The following ARHGAP15 variants were observed in gnomAD, a reference collection of about 807,000 sequenced individuals.
ARHGAP15 encodes rho GTPase-activating protein 15.
Under a neutral mutation model 63.7 loss-of-function variants are expected in ARHGAP15, and 51 were observed. The observed-to-expected ratio is 0.80, with a 90% CI of 0.64 to 1.01. The LOEUF is 1.01. Among genes scored for constraint, ARHGAP15 ranks in the 50% least tolerant of loss-of-function variants. ARHGAP15 has a pLI of 0.00. For missense variants in ARHGAP15, 560 were observed against 564.6 expected, an observed-to-expected ratio of 0.99 and a Z score of 0.08; for synonymous variants, 191 against 193.8, an observed-to-expected ratio of 0.99 and a Z score of 0.12.
At chr2:143,401,188 A>T (rs1228085608) in intron 6 of ARHGAP15, among the ~76,000 whole-genome samples, 1 of 152,020 alleles carries the variant, frequency 6.6e-6, no homozygotes, top group Non-Finnish European at 1.5e-5. Flanking sequence ...ATTTCTTTTT[A>T]GTTTTGTCTT....
At chr2:143,319,002 T>C (rs751878545) in intron 6 of ARHGAP15, among the ~76,000 whole-genome samples, 1 of 152,172 alleles carries the variant, frequency 6.6e-6, no homozygotes, top group Non-Finnish European at 1.5e-5. Context: ...TTTTTCTTAA[T>C]CTCTTCTAGC....
rs531643431 is a variant in ARHGAP15 at position 143,181,200 on chromosome 2, A to G, written c.166-20934A>G. The stretch of plus-strand genomic sequence containing the variant: ...TGGGCTTAAAATATTCAGTTAAGTC[A>G]TGCTGTAAACTGATGTGCTGTCATC... On this transcript the variant is annotated intron_variant, in intron 2 of 13. Coordinates refer to ENST00000295095, the MANE Select transcript of ARHGAP15 (RefSeq NM_018460.4). Among the ~76,000 whole-genome samples, 4 of 152,304 alleles carry G rather than the reference A, an allele frequency of 2.6e-5. No individual in the cohort carries two copies. The East Asian group carries it at 7.7e-4, about 29-fold the overall frequency.
At position 143,408,015 on chromosome 2, in the gene ARHGAP15, A is replaced by G. The variant is rs1359150386; in HGVS notation, c.475-27586A>G. 5.8e-4 allele frequency among the ~76,000 whole-genome samples: 55 copies of G among 95,060 alleles called. 1 individual carries two copies. Among genetic ancestry groups the G allele is most frequent in the East Asian group, 2.6e-3 (8 of 3,036 alleles). The allele number at this position is 95,060 out of a possible 152,430, so 62.4% of individuals were successfully genotyped here. A position where few individuals can be genotyped will look rare whatever the true frequency, so the allele number is the denominator to read the frequency against. On this transcript the variant is annotated intron_variant, in intron 6 of 13. Coordinates refer to ENST00000295095, the MANE Select transcript of ARHGAP15 (RefSeq NM_018460.4). Reference sequence around the variant, plus strand: ...TATATATATATATATATATATATATATATATATATATATATATCCTTTTTC... The same window carrying G: ...TATATATATATATATATATATATATGTATATATATATATATATCCTTTTTC...
chr2:143,464,847 C>A (rs1243325961), intron 8 of ARHGAP15, among the ~76,000 whole-genome samples: 1 of 152,014 alleles, frequency 6.6e-6, no homozygotes, highest in Non-Finnish European at 1.5e-5. Flanking sequence ...TCCCTTAAAG[C>A]TTTTTATTGG....
At chr2:143,616,604 A>T (rs1210228815) in intron 11 of ARHGAP15, among the ~76,000 whole-genome samples, 1 of 152,182 alleles carries the variant, frequency 6.6e-6, no homozygotes, top group African/African-American at 2.4e-5. Flanking sequence ...AATCTTAGAA[A>T]GTTTGTGGTT....
At chr2:143,145,405 T>A (rs932916119) in intron 1 of ARHGAP15, among the ~76,000 whole-genome samples, 1 of 152,036 alleles carries the variant, frequency 6.6e-6, no homozygotes, top group Non-Finnish European at 1.5e-5. Flanking sequence ...TGGTCATTCA[T>A]TGCCTCACTC....
At chr2:143,339,505 A>G (rs1186090847) in intron 6 of ARHGAP15, among the ~76,000 whole-genome samples, 3 of 152,130 alleles carry the variant, frequency 2.0e-5, no homozygotes, top group African/African-American at 7.2e-5. Flanking sequence ...ACAAAAAGAG[A>G]TGCTGTGACT....
At chr2:143,457,260 G>A (rs977752763) in intron 8 of ARHGAP15, among the ~76,000 whole-genome samples, 7 of 152,012 alleles carry the variant, frequency 4.6e-5, no homozygotes, top group Non-Finnish European at 7.4e-5. Flanking sequence ...GGATGTAGGT[G>A]AGGCATGCTA....
chr2:143,664,260 A>T (rs1682019008), intron 12 of ARHGAP15, among the ~76,000 whole-genome samples: 1 of 152,188 alleles, frequency 6.6e-6, no homozygotes, highest in African/African-American at 2.4e-5. Flanking sequence ...AGGATTAGGA[A>T]TCTCACTCAA....
intron 13 of ARHGAP15, among the ~76,000 whole-genome samples, chr2:143,731,407 A>G (rs756490682): frequency 3.7e-4 from 56 of 152,276 alleles, no homozygotes; most frequent in Non-Finnish European, 6.5e-4. Context: ...TATTACCTCC[A>G]TATAAGAAGG....
chr2:143,398,080 C>T (rs1458175282), intron 6 of ARHGAP15, among the ~76,000 whole-genome samples: 2 of 152,058 alleles, frequency 1.3e-5, no homozygotes, highest in Non-Finnish European at 2.9e-5. Flanking sequence ...TATGAGTCAT[C>T]TTTATTTCAT....
rs374885315 is a variant in ARHGAP15, at chr2:143,734,800, A to G, written c.1244+31276A>G. 1.6e-4 allele frequency among the ~76,000 whole-genome samples: 24 copies of G among 152,328 alleles called. 1 individual carries two copies. Among genetic ancestry groups the G allele is most frequent in the South Asian group, 1.2e-3 (6 of 4,826 alleles). On this transcript the variant is annotated intron_variant, in intron 13 of 13. Coordinates refer to ENST00000295095, the MANE Select transcript of ARHGAP15 (RefSeq NM_018460.4). ...AATGGATTTCTGTTTCTACATGGAT[A>G]TGTATACATGAGTGTGTGATTTGCA... is the stretch of plus-strand genomic sequence containing the variant.
At chr2:143,384,277 T>G (rs1345486343) in intron 6 of ARHGAP15, among the ~76,000 whole-genome samples, 1 of 152,090 alleles carries the variant, frequency 6.6e-6, no homozygotes, top group Admixed American at 6.6e-5. Context: ...CTGGAGTGTT[T>G]AGGGTTTGTT....
intron 2 of ARHGAP15, among the ~76,000 whole-genome samples, chr2:143,176,848 C>G (rs1190187213): frequency 6.6e-6 from 1 of 152,126 alleles, no homozygotes. Flanking sequence ...AAAGCTAATG[C>G]TATTGTTTCC....
intron 11 of ARHGAP15, among the ~76,000 whole-genome samples, chr2:143,591,356 CAAAACAACATTTGCTTA>C (rs1017015258): frequency 8.6e-5 from 13 of 152,044 alleles, no homozygotes; most frequent in Non-Finnish European, 1.6e-4. Context: ...TTTCTAGGCA[CAAAACAACATTTGCTTA>C]AAAATGTGGA....
intron 5 of ARHGAP15, among the ~76,000 whole-genome samples, chr2:143,229,083 A>G (rs1433631461): frequency 6.6e-6 from 1 of 152,196 alleles, no homozygotes; most frequent in Non-Finnish European, 1.5e-5. Context: ...GTTTTAAAGA[A>G]TATTATAAGA....
intron 6 of ARHGAP15, among the ~76,000 whole-genome samples, chr2:143,336,706 T>TA (rs1046500423): frequency 1.3e-5 from 2 of 152,124 alleles, no homozygotes; most frequent in Middle Eastern, 3.2e-3. Flanking sequence ...AGGTATGCCC[T>TA]AGGAGAGGAG....
chr2:143,292,668 A>C (rs377523955), intron 6 of ARHGAP15, among the ~76,000 whole-genome samples: 1 of 152,066 alleles, frequency 6.6e-6, no homozygotes, highest in Non-Finnish European at 1.5e-5. Flanking sequence ...AATCACTTCC[A>C]AAGTAATTTT....
intron 10 of ARHGAP15, among the ~76,000 whole-genome samples, chr2:143,547,740 T>A (rs1228482276): frequency 6.6e-6 from 1 of 151,938 alleles, no homozygotes; most frequent in East Asian, 1.9e-4. Flanking sequence ...CTTCTACTTA[T>A]TGAAATGTCT....
Sources: gnomAD v4.1 joint callset for allele counts (sites outside exome capture counted in the v4.1 genomes callset) on GRCh38, gnomAD v4.1.1 for gene constraint, MANE v1.5 for transcripts, NCBI Gene and HGNC (gene_info 2026-07-23, HGNC 2026-07-21) for gene names.